The following MCU variants were observed in gnomAD, a reference collection of about 807,000 sequenced individuals.
The protein encoded by MCU is mitochondrial calcium uniporter.
In MCU, 12 loss-of-function variants were observed where a neutral mutation model predicts 45.2. That is an observed-to-expected ratio of 0.27 (90% CI 0.17 to 0.43). The LOEUF (loss-of-function observed/expected upper bound fraction) is 0.43, where lower values mean the gene tolerates loss of function less well. Among genes scored for constraint, MCU ranks in the 20% least tolerant of loss-of-function variants. The pLI is 1.00. For missense variants in MCU, 324 were observed against 436.7 expected (o/e 0.74, Z 2.30); for synonymous variants, 160 against 165.1 (o/e 0.97, Z 0.24).
At position 72,882,020 on chromosome 10, in the gene MCU, A is replaced by G. The variant is rs147072551; in HGVS notation, c.862-2246A>G. ...TGGCAGAAGAACGTGGATTGTGAAG[A>G]TTTCATGGACATTTATTAGTTCCCC... is the stretch of plus-strand genomic sequence containing the variant. On this transcript the variant is annotated intron_variant, in intron 6 of 7. Transcript: ENST00000373053. Among the ~76,000 whole-genome samples, 994 of 152,334 alleles carry G rather than the reference A, an allele frequency of 6.5e-3. 16 individuals are homozygous for G. Among genetic ancestry groups the G allele is most frequent in the African/African-American group, 0.023 (939 of 41,582 alleles).
At chr10:72,786,210 A>C (rs1844069236) in intron 1 of MCU, among the ~76,000 whole-genome samples, 2 of 152,148 alleles carry the variant, frequency 1.3e-5, no homozygotes, top group East Asian at 1.9e-4. Flanking sequence ...TTGTTTTTTT[A>C]ATGTCCTTAT....
intron 1 of MCU, among the ~76,000 whole-genome samples, chr10:72,699,507 G>A (rs190635732): frequency 6.0e-5 from 9 of 150,988 alleles, no homozygotes; most frequent in African/African-American, 1.9e-4. Context: ...ACTCCGTCCC[G>A]GAAAAAGGGA....
intron 1 of MCU, among the ~76,000 whole-genome samples, chr10:72,748,410 T>C (rs893088352): frequency 1.3e-5 from 2 of 152,226 alleles, no homozygotes; most frequent in Admixed American, 1.3e-4. Flanking sequence ...GTAACTGTCA[T>C]ATTGAACAGT....
At chr10:72,699,400 G>C (rs535266154) in intron 1 of MCU, among the ~76,000 whole-genome samples, 3 of 151,974 alleles carry the variant, frequency 2.0e-5, no homozygotes, top group Admixed American at 6.6e-5. Flanking sequence ...CCAACTACTC[G>C]GGAGGCTGAG....
chr10:72,700,640 A>G (rs1224041973), intron 1 of MCU, among the ~76,000 whole-genome samples: 3 of 152,234 alleles, frequency 2.0e-5, no homozygotes, highest in Non-Finnish European at 2.9e-5. Context: ...ATATAACTTC[A>G]TAAATTTTTT....
chr10:72,772,652 G>C (rs1003989722), intron 1 of MCU, among the ~76,000 whole-genome samples: 2 of 152,154 alleles, frequency 1.3e-5, no homozygotes, highest in South Asian at 2.1e-4. Flanking sequence ...AGCTGAGATC[G>C]TGCCACTGCA....
At chr10:72,772,804 T>G (rs934471765) in intron 1 of MCU, among the ~76,000 whole-genome samples, 2 of 152,214 alleles carry the variant, frequency 1.3e-5, no homozygotes, top group African/African-American at 4.8e-5. Context: ...AATCATGACC[T>G]TCCCAAAAGG....
chr10:72,692,442 G>T, intron 1 of MCU, 141 bp downstream of exon 1: 1 of 763,650 alleles, frequency 1.3e-6, no homozygotes, highest in Non-Finnish European at 1.6e-6. Context: ...CCGAGGAGCC[G>T]CCGTGCCCTT....
intron 1 of MCU, among the ~76,000 whole-genome samples, chr10:72,761,881 G>A (rs927544216): frequency 6.6e-6 from 1 of 152,050 alleles, no homozygotes; most frequent in Admixed American, 6.6e-5. Flanking sequence ...ATATCACTCT[G>A]TATGCCTTTG....
intron 1 of MCU, among the ~76,000 whole-genome samples, chr10:72,820,595 C>T (rs1844696524): frequency 6.6e-6 from 1 of 151,864 alleles, no homozygotes; most frequent in Non-Finnish European, 1.5e-5. Flanking sequence ...ACTGCAACCT[C>T]CACCTCCCAA....
chr10:72,866,178 T>C (rs1393318075), intron 4 of MCU, among the ~76,000 whole-genome samples: 1 of 152,202 alleles, frequency 6.6e-6, no homozygotes, highest in Non-Finnish European at 1.5e-5. Flanking sequence ...TTTCTGTCCC[T>C]GGTTGAGGAA....
chr10:72,741,039 C>T (rs1028136941), intron 1 of MCU, among the ~76,000 whole-genome samples: 2 of 151,420 alleles, frequency 1.3e-5, no homozygotes, highest in Non-Finnish European at 2.9e-5. Context: ...CTTTTTTTCT[C>T]AGATACAATA....
chr10:72,816,926 TA>T (rs533796066), intron 1 of MCU, among the ~76,000 whole-genome samples: 113 of 152,338 alleles, frequency 7.4e-4, no homozygotes, highest in African/African-American at 2.7e-3. Flanking sequence ...AATTGACTAA[TA>T]AAAAGTGTTC....
At chr10:72,704,706 T>C (rs1428587307) in intron 1 of MCU, among the ~76,000 whole-genome samples, 46,957 of 100,016 alleles carry the variant, frequency 0.47, 12,991 homozygotes, top group Non-Finnish European at 0.61. Context: ...CCTGGATAAT[T>C]TTTTTTTTTT....
chr10:72,693,720 T>C (rs1243072852), intron 1 of MCU, among the ~76,000 whole-genome samples: 1 of 152,226 alleles, frequency 6.6e-6, no homozygotes, highest in Non-Finnish European at 1.5e-5. Flanking sequence ...AGCTTTTGGG[T>C]GACAGCCAAG....
At chr10:72,800,953 C>T (rs1342518047) in intron 1 of MCU, among the ~76,000 whole-genome samples, 1 of 151,954 alleles carries the variant, frequency 6.6e-6, no homozygotes, top group African/African-American at 2.4e-5. Flanking sequence ...TTAAAAAATT[C>T]GCTGGGCATG....
chr10:72,866,950 C>T (rs1402346352), intron 4 of MCU, among the ~76,000 whole-genome samples: 1 of 151,282 alleles, frequency 6.6e-6, no homozygotes, highest in African/African-American at 2.4e-5. Flanking sequence ...ATGTGAGCAG[C>T]AGCTTTGGTA....
In MCU at chr10:72,699,741, G is replaced by A. The variant is rs186304929; in HGVS notation, c.150+7440G>A. Among the ~76,000 whole-genome samples the A allele has an allele frequency of 3.2e-3, 487 of 151,760 alleles. 2 individuals carry two copies. Among genetic ancestry groups the A allele is most frequent in the African/African-American group, 0.01 (434 of 41,366 alleles). The stretch of plus-strand genomic sequence containing the variant: ...TGAGTGGCTGGGACTACAGGTGTGC[G>A]CCACCGCCCCCTGCCGATTTTTGTA... On this transcript the variant is annotated intron_variant, in intron 1 of 7. Transcript: ENST00000373053.
intron 2 of MCU, among the ~76,000 whole-genome samples, chr10:72,851,176 T>C (rs745740110): frequency 1.3e-5 from 2 of 152,248 alleles, no homozygotes; most frequent in African/African-American, 2.4e-5. Context: ...AGCTTTCTTA[T>C]TTCATTCCCT....
Sources: allele counts gnomAD v4.1 joint callset (sites outside exome capture counted in the v4.1 genomes callset), GRCh38; gene constraint gnomAD v4.1.1; transcripts MANE v1.5; gene names NCBI Gene and HGNC (gene_info 2026-07-23, HGNC 2026-07-21).